LRRC74B: variants seen among roughly 807,000 people sequenced by gnomAD.
LRRC74B encodes leucine rich repeat containing 74B, also known as leucine-rich repeat-containing protein 74B.
Under a neutral mutation model 16.6 loss-of-function variants are expected in LRRC74B, and 30 were observed. The observed-to-expected ratio is 1.80, with a 90% confidence interval of 1.35 to 2.45. The LOEUF (loss-of-function observed/expected upper bound fraction) is 2.45. LRRC74B is among the 30% of genes most tolerant of loss of function. The pLI, the probability that LRRC74B is intolerant of heterozygous loss-of-function variation, is 0.00. For synonymous variants in LRRC74B, 134 were observed against 86.0 expected (o/e 1.56, Z -3.09); for missense variants, 326 against 202.4 (o/e 1.61, Z -3.71).
chr22:21,052,462 CTT>C, intron 5 of LRRC74B, 104 bp downstream of exon 5: 4 of 676,124 alleles, frequency 5.9e-6, no homozygotes, highest in Non-Finnish European at 1.1e-5. Flanking sequence ...AACCTTGGAT[CTT>C]TTAAGCACAG....
rs1376893273 is a variant in LRRC74B at position 21,048,127 on chromosome 22, G to A, written c.415+111G>A. 5 of 687,162 alleles carry A rather than the reference G, an allele frequency of 7.3e-6. No homozygotes were observed. The African/African-American group carries it at 8.8e-5, about 12-fold the overall frequency. 42.6% of individuals were successfully genotyped at this position (687,162 alleles called of 1,614,324 possible). On this transcript the variant is annotated intron_variant, in intron 3 of 8. Transcript: ENST00000442047. The stretch of plus-strand genomic sequence containing the variant: ...CACCTGGGGCCTGCTGGTGTTGCTG[G>A]TGGATAGAAGAGGGGCCTCATCACA...
intron 8 of LRRC74B, among the ~76,000 whole-genome samples, chr22:21,058,095 T>C (rs1165574276): frequency 1.3e-5 from 2 of 151,136 alleles, no homozygotes; most frequent in Admixed American, 6.6e-5. Context: ...GAGATGGGGT[T>C]TCACCAGGTT....
chr22:21,062,498 A>G (rs1347709579), downstream of LRRC74B: 4 of 151,992 alleles, frequency 2.6e-5, no homozygotes, highest in Admixed American at 1.3e-4. Context: ...GCGGATCACG[A>G]GGTCAGGAGA....
At chr22:21,056,904 C>T (rs980856818) in intron 7 of LRRC74B, 2 of 576,486 alleles carry the variant, frequency 3.5e-6, no homozygotes, top group Non-Finnish European at 3.1e-6. Flanking sequence ...CAATCGGAGG[C>T]CTCTCCCTTC....
chr22:21,046,937 C>G (rs936632561), intron 1 of LRRC74B, among the ~76,000 whole-genome samples: 32 of 151,844 alleles, frequency 2.1e-4, no homozygotes, highest in African/African-American at 7.7e-4. Context: ...ACTGAAAATA[C>G]AAAAAACTAG....
chr22:21,054,984 A>G (rs1672915372), intron 6 of LRRC74B, 114 bp from the exon 7 acceptor site: 1 of 660,114 alleles, frequency 1.5e-6, no homozygotes, highest in Non-Finnish European at 2.8e-6. Flanking sequence ...GGAGGGAACA[A>G]GAGACCCAAC....
Position 21,052,805 on chromosome 22 carries a change from G to A in LRRC74B, c.732+447G>A, listed in dbSNP as rs188436195. 3.9e-5 allele frequency among the ~76,000 whole-genome samples: 6 copies of A among 152,326 alleles called. No homozygotes were observed. In the East Asian group the frequency reaches 1.2e-3, roughly 29 times the overall value. On this transcript the variant is annotated intron_variant, in intron 5 of 8. Transcript: ENST00000442047. The stretch of plus-strand genomic sequence containing the variant: ...TCAAGCTGGTGCTAGGGTGGTACAA[G>A]GTGTCTGCAATGTCCCCAGTGCCAG...
intron 8 of LRRC74B, among the ~76,000 whole-genome samples, chr22:21,058,519 A>C (rs1262477812): frequency 6.6e-6 from 1 of 152,184 alleles, no homozygotes; most frequent in Non-Finnish European, 1.5e-5. Context: ...GTCTCAAAAA[A>C]AAAGGGAAGG....
downstream of LRRC74B, among the ~76,000 whole-genome samples, chr22:21,061,212 C>T (rs145364100): frequency 0.026 from 3,900 of 151,908 alleles, 312 homozygotes; most frequent in East Asian, 0.28. Flanking sequence ...CTGTAATCCC[C>T]GCTACTCAGG....
At chr22:21,050,331 G>A (rs1236019348) in intron 4 of LRRC74B, among the ~76,000 whole-genome samples, 1 of 151,672 alleles carries the variant, frequency 6.6e-6, no homozygotes, top group Non-Finnish European at 1.5e-5. Flanking sequence ...CACCGCGCCT[G>A]GCCGAGAATT....
chr22:21,050,501 G>T (rs530880754), intron 4 of LRRC74B, among the ~76,000 whole-genome samples: 1 of 151,918 alleles, frequency 6.6e-6, no homozygotes, highest in African/African-American at 2.4e-5. Context: ...TGAGGTGGCC[G>T]GGCCCGGTGG....
At chr22:21,054,172 A>G (rs1323701768) in intron 6 of LRRC74B, among the ~76,000 whole-genome samples, 1 of 152,202 alleles carries the variant, frequency 6.6e-6, no homozygotes, top group Non-Finnish European at 1.5e-5. Context: ...TGCGAAATCT[A>G]AAAATTGTCC....
Position 21,057,217 on chromosome 22 carries a change from A to T in LRRC74B, c.1023+17A>T. 1 of 716,658 alleles carries T rather than the reference A, an allele frequency of 1.4e-6. No individual in the cohort carries two copies. The highest frequency in any genetic ancestry group is 2.6e-6 in the Non-Finnish European group (1 of 384,790). The allele number at this position is 716,658 out of a possible 1,614,324, so 44.4% of individuals were successfully genotyped here. ...GATTTCTCAGTAAGAGCATTTTATA[A>T]ACCTCGTTTCTGATCCTCCCAGCAG... On this transcript the variant is annotated intron_variant, in intron 8 of 8. Coordinates refer to ENST00000442047, the Ensembl canonical transcript of LRRC74B.
chr22:21,055,205 C>T (rs912695761), intron 7 of LRRC74B, 29 bp downstream of exon 7: 21 of 710,688 alleles, frequency 3.0e-5, no homozygotes, highest in Non-Finnish European at 4.7e-5. Context: ...ACTGAGACAC[C>T]AGCACAGACC....
intron 1 of LRRC74B, 103 bp downstream of exon 1, chr22:21,046,228 C>A: frequency 1.6e-6 from 1 of 638,600 alleles, no homozygotes; most frequent in South Asian, 1.8e-5. Flanking sequence ...GGAACGTACC[C>A]GCCTGCGGGG....
Position 21,046,231 on chromosome 22 carries a change from C to T in LRRC74B, c.139+106C>T, listed in dbSNP as rs1929419045. The T allele has an allele frequency of 8.9e-5, 56 of 631,878 alleles. 1 individual carries two copies. Among genetic ancestry groups the T allele is most frequent in the South Asian group, 3.1e-4 (17 of 55,068 alleles). The allele number at this position is 631,878 out of a possible 1,614,324, so 39.1% of individuals were successfully genotyped here. On this transcript the variant is annotated intron_variant, in intron 1 of 8. Coordinates refer to ENST00000442047, the Ensembl canonical transcript of LRRC74B. ...TAAGGCCAGCAGGGAACGTACCCGCCTGCGGGGCGCCTCCAGCCCCCTGCC... is the reference window on the plus strand; with the variant it reads ...TAAGGCCAGCAGGGAACGTACCCGCTTGCGGGGCGCCTCCAGCCCCCTGCC...
Position 21,055,083 on chromosome 22 carries a change from T to A in LRRC74B, c.849-15T>A. The A allele has an allele frequency of 1.4e-6, 1 of 716,690 alleles. No individual in the cohort carries two copies. The highest frequency in any genetic ancestry group is 2.6e-6 in the Non-Finnish European group (1 of 384,998). 44.4% of individuals were successfully genotyped at this position (716,690 alleles called of 1,614,324 possible). A position where few individuals can be genotyped will look rare whatever the true frequency, so the allele number is the denominator to read the frequency against. On this transcript the variant is annotated splice_polypyrimidine_tract_variant and intron_variant, in intron 6 of 8. Transcript: ENST00000442047. ...GAAGGTTGCACAATGCATGTGCCTG[T>A]TGTTTTTGTTGCAGTAACAACCGCA...
At chr22:21,048,652 A>C (rs1192154293) in intron 3 of LRRC74B, 1 of 415,798 alleles carries the variant, frequency 2.4e-6, no homozygotes, top group African/African-American at 2.0e-5. Context: ...GTGGGTGGTG[A>C]TATCACTGCC....
chr22:21,057,848 A>C (rs1174018655), intron 8 of LRRC74B, among the ~76,000 whole-genome samples: 1 of 142,510 alleles, frequency 7.0e-6, no homozygotes, highest in African/African-American at 2.6e-5. Context: ...ACCTCAAGTG[A>C]TCCTGTGCCA....
Sources: allele counts gnomAD v4.1 joint callset (sites outside exome capture counted in the v4.1 genomes callset), GRCh38; gene constraint gnomAD v4.1.1; transcripts MANE v1.5; gene names NCBI Gene and HGNC (gene_info 2026-07-23, HGNC 2026-07-21).